The following PEX7 variants were observed in gnomAD, a reference collection of about 807,000 sequenced individuals.
The protein encoded by PEX7 is PTS2 receptor.
PEX7 carries 34 observed loss-of-function variants against 47.5 expected under a neutral mutation model. The observed-to-expected ratio is 0.72, with a 90% CI of 0.54 to 0.95. The LOEUF is 0.95. Among genes scored for constraint, PEX7 ranks in the 40% least tolerant of loss-of-function variants. The pLI is 0.00. For synonymous variants in PEX7, 141 were observed against 148.8 expected, an observed-to-expected ratio of 0.95 and a Z score of 0.38; for missense variants, 394 against 400.3, an observed-to-expected ratio of 0.98 and a Z score of 0.13.
At position 136,839,515 on chromosome 6, in the gene PEX7, C is replaced by G. The variant is rs530980608; in HGVS notation, c.340-6100C>G. On this transcript the variant is annotated intron_variant, in intron 3 of 9. Transcript: ENST00000318471. ...TGGGTTTTTTTCTTTTCCCATTTTC[C>G]TGGTTAATTTTCTTCACCACTGCCA... Among the ~76,000 whole-genome samples, 239 of 152,228 alleles carry G rather than the reference C, an allele frequency of 1.6e-3. 5 individuals carry two copies. The South Asian group carries it at 0.047, about 30-fold the overall frequency.
At chr6:136,888,374 T>C (rs1243799509) in intron 8 of PEX7, among the ~76,000 whole-genome samples, 1 of 152,212 alleles carries the variant, frequency 6.6e-6, no homozygotes, top group Non-Finnish European at 1.5e-5. Flanking sequence ...GAACTACAGT[T>C]AAATTCTTAG....
chr6:136,886,043 G>T (rs145658628), intron 8 of PEX7, among the ~76,000 whole-genome samples: 31 of 152,296 alleles, frequency 2.0e-4, no homozygotes, highest in African/African-American at 6.0e-4. Flanking sequence ...ATTAAGGCTA[G>T]AATGGATGGT....
intron 5 of PEX7, chr6:136,855,865 G>A (rs368197256): frequency 1.2e-4 from 25 of 216,932 alleles, no homozygotes; most frequent in Non-Finnish European, 1.7e-4. Context: ...CTCTTTATGC[G>A]TATGACCAAA....
intron 3 of PEX7, among the ~76,000 whole-genome samples, chr6:136,841,028 G>T (rs561232496): frequency 1.1e-3 from 173 of 152,248 alleles, no homozygotes; most frequent in African/African-American, 3.3e-3. Flanking sequence ...TAGCATGTTT[G>T]CTGCTGCTAA....
intron 3 of PEX7, among the ~76,000 whole-genome samples, chr6:136,838,650 C>G (rs1434400080): frequency 6.6e-6 from 1 of 151,970 alleles, no homozygotes; most frequent in African/African-American, 2.4e-5. Flanking sequence ...TGAAATTGGC[C>G]TGTGCTTATG....
At position 136,845,598 on chromosome 6, in the gene PEX7, C is replaced by T; in HGVS notation, c.340-17C>T. On this transcript the variant is annotated splice_polypyrimidine_tract_variant and intron_variant, in intron 3 of 9. Coordinates refer to ENST00000318471, the MANE Select transcript of PEX7 (RefSeq NM_000288.4). ...TTGATGGTCTTTTGCTTTCTAAACACTTTTCAATGTTTTTAGGTGTATAGT... is the reference window on the plus strand; with the variant it reads ...TTGATGGTCTTTTGCTTTCTAAACATTTTTCAATGTTTTTAGGTGTATAGT... 1 of 1,520,848 alleles carries T rather than the reference C, an allele frequency of 6.6e-7. No individual in the cohort carries two copies. The highest frequency in any genetic ancestry group is 1.1e-5 in the South Asian group (1 of 89,202). The allele number at this position is 1,520,848 out of a possible 1,614,324, so 94.2% of individuals were successfully genotyped here.
chr6:136,888,815 T>C (rs186368050), intron 8 of PEX7, among the ~76,000 whole-genome samples: 1 of 152,294 alleles, frequency 6.6e-6, no homozygotes, highest in East Asian at 1.9e-4. Context: ...GTTTCCACTT[T>C]AAATATTTCT....
chr6:136,903,829 CTT>C (rs60978784), intron 9 of PEX7, among the ~76,000 whole-genome samples: 10 of 139,426 alleles, frequency 7.2e-5, no homozygotes, highest in African/African-American at 1.8e-4. Context: ...CAGGTGTGCA[CTT>C]TTTTTTTTTT....
Position 136,850,603 on chromosome 6 carries a change from C to G in PEX7, c.526+4422C>G, listed in dbSNP as rs116235663. 7.0e-3 allele frequency among the ~76,000 whole-genome samples: 1,065 copies of G among 152,208 alleles called. 10 individuals are homozygous for G. The highest frequency in any genetic ancestry group is 0.025 in the African/African-American group (1,022 of 41,532). ...GATTCCAACTCCTAAAGAATAATTCCTAGATTTCTGGCAAGGACAAATTCA... is the reference window on the plus strand; with the variant it reads ...GATTCCAACTCCTAAAGAATAATTCGTAGATTTCTGGCAAGGACAAATTCA... On this transcript the variant is annotated intron_variant, in intron 5 of 9. Transcript: ENST00000318471.
intron 3 of PEX7, among the ~76,000 whole-genome samples, chr6:136,828,304 A>G (rs57130730): frequency 0.051 from 7,722 of 152,158 alleles, 693 homozygotes; most frequent in African/African-American, 0.18. Flanking sequence ...TGGTGTAACT[A>G]CTCTCTGGAA....
intron 9 of PEX7, among the ~76,000 whole-genome samples, chr6:136,904,789 G>A (rs757909577): frequency 7.2e-5 from 11 of 152,018 alleles, no homozygotes; most frequent in African/African-American, 1.7e-4. Context: ...TATCAGCAGC[G>A]TGAAAATGGA....
At chr6:136,880,189 G>A (rs1775352526) in intron 8 of PEX7, among the ~76,000 whole-genome samples, 1 of 151,744 alleles carries the variant, frequency 6.6e-6, no homozygotes, top group Non-Finnish European at 1.5e-5. Context: ...ATTTATTTGT[G>A]TATGTGTGTG....
At chr6:136,828,860 T>C (rs953303727) in intron 3 of PEX7, among the ~76,000 whole-genome samples, 2 of 152,238 alleles carry the variant, frequency 1.3e-5, no homozygotes, top group Non-Finnish European at 2.9e-5. Flanking sequence ...TTACCTCTTT[T>C]GTTATTTGAA....
chr6:136,876,387 G>A (rs556501816), intron 8 of PEX7, among the ~76,000 whole-genome samples: 194 of 152,216 alleles, frequency 1.3e-3, no homozygotes, highest in Middle Eastern at 3.4e-3. Flanking sequence ...TGTGCAGAAC[G>A]TGCAGGTTTG....
At chr6:136,829,453 A>G (rs973383891) in intron 3 of PEX7, among the ~76,000 whole-genome samples, 4 of 152,200 alleles carry the variant, frequency 2.6e-5, no homozygotes, top group African/African-American at 9.6e-5. Context: ...TGAGGGCTCT[A>G]CATTCATGAC....
At chr6:136,827,461 A>G (rs576393556) in intron 3 of PEX7, among the ~76,000 whole-genome samples, 1 of 151,796 alleles carries the variant, frequency 6.6e-6, no homozygotes, top group African/African-American at 2.4e-5. Flanking sequence ...TCTACAGAAC[A>G]GTATGTCCAA....
chr6:136,892,986 G>C (rs745606048), intron 8 of PEX7, among the ~76,000 whole-genome samples: 1 of 152,140 alleles, frequency 6.6e-6, no homozygotes, highest in African/African-American at 2.4e-5. Context: ...TGTGGCCAGA[G>C]ACACCTTTGA....
intron 5 of PEX7, among the ~76,000 whole-genome samples, chr6:136,854,530 T>C (rs1226267953): frequency 6.6e-6 from 1 of 152,194 alleles, no homozygotes; most frequent in African/African-American, 2.4e-5. Context: ...TTTGTGCTTA[T>C]AGTGAATCGG....
intron 5 of PEX7, among the ~76,000 whole-genome samples, chr6:136,853,766 A>G (rs908231311): frequency 2.6e-5 from 4 of 152,210 alleles, no homozygotes; most frequent in African/African-American, 9.6e-5. Context: ...GATCCTAATA[A>G]TGAATACTAG....
Sources: gnomAD v4.1 joint callset for allele counts (sites outside exome capture counted in the v4.1 genomes callset) on GRCh38, gnomAD v4.1.1 for gene constraint, MANE v1.5 for transcripts, NCBI Gene and HGNC (gene_info 2026-07-23, HGNC 2026-07-21) for gene names.